DIAPH2: variants seen among roughly 807,000 people sequenced by gnomAD.
DIAPH2 encodes diaphanous related formin 2, also known as protein diaphanous homolog 2.
In DIAPH2, 35 loss-of-function variants were observed where a neutral mutation model predicts 92.7. The observed-to-expected ratio is 0.38, with a 90% confidence interval of 0.29 to 0.50. The LOEUF is 0.50. DIAPH2 is among the 20% of genes least tolerant of loss of function. DIAPH2 has a pLI of 0.94. For missense variants in DIAPH2, 701 were observed against 819.5 expected (o/e 0.86, Z 1.77); for synonymous variants, 301 against 280.4 (o/e 1.07, Z -0.73).
At chrX:96,817,083 G>A (rs369960454) in intron 4 of DIAPH2, among the ~76,000 whole-genome samples, 15 of 111,907 alleles carry the variant, frequency 1.3e-4, no homozygotes, top group East Asian at 2.8e-4. Context: ...GCTGGGAAGC[G>A]TAGTGATGGG....
intron 21 of DIAPH2, among the ~76,000 whole-genome samples, chrX:97,138,724 T>C (rs1187553862): frequency 2.7e-5 from 3 of 111,675 alleles, no homozygotes; most frequent in Non-Finnish European, 5.7e-5. Context: ...TTTGAAGATA[T>C]ATAAAAGAAG....
chrX:97,241,995 C>T (rs184191146), intron 22 of DIAPH2, among the ~76,000 whole-genome samples: 1,631 of 109,921 alleles, frequency 0.015, 30 homozygotes, highest in African/African-American at 0.05. Context: ...AGGATGGTCT[C>T]GATCTCTTGA....
At chrX:97,382,632 A>G (rs2069561405) in intron 24 of DIAPH2, among the ~76,000 whole-genome samples, 1 of 111,922 alleles carries the variant, frequency 8.9e-6, no homozygotes, top group Non-Finnish European at 1.9e-5. Flanking sequence ...CATCTACAAT[A>G]GCCAGGTACC....
rs192393503 is a variant in DIAPH2, at chrX:96,827,109, T to C, written c.448-54470T>C. On this transcript the variant is annotated intron_variant, in intron 4 of 26. Transcript: ENST00000324765. The stretch of plus-strand genomic sequence containing the variant: ...TATTTTTTGAAACACATTCTTGTAC[T>C]TGAACACATTTTCTTGATTAAATAT... Among the ~76,000 whole-genome samples the C allele has an allele frequency of 4.6e-4, 52 of 112,883 alleles. 1 individual carries two copies. In the Admixed American group the frequency reaches 4.8e-3, roughly 10 times the overall value.
In DIAPH2 at chrX:96,888,625, A is replaced by G. The variant is rs543587885; in HGVS notation, c.587+6907A>G. Among the ~76,000 whole-genome samples, 10 of 100,166 alleles carry G rather than the reference A, an allele frequency of 1.0e-4. No individual in the cohort carries two copies. The South Asian group carries it at 4.2e-3, about 42-fold the overall frequency. 87.0% of individuals were successfully genotyped at this position (100,166 alleles called of 115,157 possible). ...TATATCTATATATATCTATATATAT[A>G]CACAGATATATATATCTATATATAT... On this transcript the variant is annotated intron_variant, in intron 5 of 26. Coordinates refer to ENST00000324765, the MANE Select transcript of DIAPH2 (RefSeq NM_006729.5).
At chrX:97,570,677 C>A (rs1420803161) in intron 26 of DIAPH2, among the ~76,000 whole-genome samples, 1 of 110,922 alleles carries the variant, frequency 9.0e-6, no homozygotes, top group Non-Finnish European at 1.9e-5. Flanking sequence ...TTGTTTCTCA[C>A]TGTTCAACAG....
At chrX:96,936,242 ATTTG>A (rs2065656757) in intron 10 of DIAPH2, among the ~76,000 whole-genome samples, 1 of 111,935 alleles carries the variant, frequency 8.9e-6, no homozygotes, top group Admixed American at 9.5e-5. Flanking sequence ...AATTGCTGAA[ATTTG>A]TTTGGCTTCA....
At chrX:96,899,189 A>G (rs376372467) in intron 5 of DIAPH2, among the ~76,000 whole-genome samples, 15,905 of 107,696 alleles carry the variant, frequency 0.15, 994 homozygotes, top group East Asian at 0.32. Flanking sequence ...CTTTTGGCTT[A>G]GGATTGACTT....
chrX:96,813,870 G>T (rs964443897), intron 4 of DIAPH2, among the ~76,000 whole-genome samples: 5 of 112,020 alleles, frequency 4.5e-5, no homozygotes, highest in African/African-American at 1.6e-4. Context: ...CTTCTGTCTT[G>T]TAGGATTTCT....
intron 24 of DIAPH2, among the ~76,000 whole-genome samples, chrX:97,372,986 AAAAG>A (rs905827605): frequency 9.9e-5 from 11 of 111,368 alleles, no homozygotes; most frequent in African/African-American, 1.6e-4. Context: ...TCAAAAAAAA[AAAAG>A]AAAGAAAAGC....
intron 24 of DIAPH2, among the ~76,000 whole-genome samples, chrX:97,352,405 C>T: frequency 9.0e-6 from 1 of 111,139 alleles, no homozygotes; most frequent in Non-Finnish European, 1.9e-5. Context: ...CTTTGGAAGA[C>T]TTCTATTAGT....
chrX:97,346,083 C>G (rs1002546849), intron 23 of DIAPH2, among the ~76,000 whole-genome samples: 1 of 110,785 alleles, frequency 9.0e-6, no homozygotes, highest in African/African-American at 3.3e-5. Context: ...TCATTTATTC[C>G]TTCAAAATTT....
At chrX:96,698,719 C>G (rs2063838302) in intron 1 of DIAPH2, among the ~76,000 whole-genome samples, 2 of 93,138 alleles carry the variant, frequency 2.1e-5, no homozygotes, top group African/African-American at 7.1e-5. Context: ...AATTACTAAT[C>G]TTAAACTTTT....
intron 26 of DIAPH2, among the ~76,000 whole-genome samples, chrX:97,590,289 G>A: frequency 8.9e-6 from 1 of 111,814 alleles, no homozygotes; most frequent in Non-Finnish European, 1.9e-5. Context: ...AAGCTGGGGA[G>A]TTGGACTGAC....
chrX:96,908,660 G>A (rs909931960), intron 5 of DIAPH2, among the ~76,000 whole-genome samples: 5 of 110,059 alleles, frequency 4.5e-5, no homozygotes, highest in African/African-American at 1.7e-4. Context: ...GTGCAGTGGC[G>A]CGATTTCAGC....
chrX:97,275,942 G>A (rs780585213), intron 23 of DIAPH2, among the ~76,000 whole-genome samples: 3 of 112,524 alleles, frequency 2.7e-5, no homozygotes, highest in African/African-American at 9.6e-5. Context: ...GGAGGTGGAG[G>A]TTGTAGCTAG....
At chrX:96,812,802 T>G (rs2064695773) in intron 4 of DIAPH2, among the ~76,000 whole-genome samples, 1 of 111,757 alleles carries the variant, frequency 8.9e-6, no homozygotes, top group African/African-American at 3.3e-5. Context: ...CAGGAGCAGG[T>G]TGTTCAGTTT....
chrX:97,281,554 C>G (rs2068496537), intron 23 of DIAPH2, among the ~76,000 whole-genome samples: 1 of 110,713 alleles, frequency 9.0e-6, no homozygotes, highest in Non-Finnish European at 1.9e-5. Flanking sequence ...ACCATCCTGG[C>G]TAACATGGTG....
intron 4 of DIAPH2, among the ~76,000 whole-genome samples, chrX:96,850,724 A>G (rs1240778647): frequency 8.9e-6 from 1 of 112,113 alleles, no homozygotes; most frequent in Non-Finnish European, 1.9e-5. Flanking sequence ...GGTGTCTCCC[A>G]TTGTATAAAC....
Sources: gnomAD v4.1 joint callset for allele counts (sites outside exome capture counted in the v4.1 genomes callset) on GRCh38, gnomAD v4.1.1 for gene constraint, MANE v1.5 for transcripts, NCBI Gene and HGNC (gene_info 2026-07-23, HGNC 2026-07-21) for gene names.